ZNF267: variants seen among roughly 807,000 people sequenced by gnomAD.
The protein encoded by ZNF267 is zinc finger (C2H2).
Under a neutral mutation model 71.6 loss-of-function variants are expected in ZNF267, and 61 were observed. That is an observed-to-expected ratio of 0.85 (90% CI 0.69 to 1.05). ZNF267 has a LOEUF of 1.05. ZNF267 is among the 50% of genes least tolerant of loss of function. The pLI, the probability that ZNF267 is intolerant of heterozygous loss-of-function variation, is 0.00. For missense variants in ZNF267, 852 were observed against 870.0 expected (o/e 0.98, Z 0.26); for synonymous variants, 288 against 293.2 (o/e 0.98, Z 0.18).
chr16:31,898,046 T>C (rs2084012699), intron 3 of ZNF267, among the ~76,000 whole-genome samples: 1 of 152,168 alleles, frequency 6.6e-6, no homozygotes, highest in African/African-American at 2.4e-5. Flanking sequence ...TTTGTTCGTT[T>C]TTGCATTACT....
intron 1 of ZNF267, among the ~76,000 whole-genome samples, chr16:31,878,877 G>T (rs2083870990): frequency 6.6e-6 from 1 of 152,174 alleles, no homozygotes; most frequent in Non-Finnish European, 1.5e-5. Context: ...TCTGGCTGTT[G>T]TAAGAGCAAA....
At chr16:31,913,986 C>G (rs1567239300) in intron 3 of ZNF267, 1 of 153,232 alleles carries the variant, frequency 6.5e-6, no homozygotes, top group Non-Finnish European at 1.5e-5. Flanking sequence ...AGGTGTCTTT[C>G]ACTATACCCA....
At chr16:31,898,397 C>T (rs1239425589) in intron 3 of ZNF267, among the ~76,000 whole-genome samples, 1 of 151,974 alleles carries the variant, frequency 6.6e-6, no homozygotes, top group Non-Finnish European at 1.5e-5. Context: ...TATTGAATTT[C>T]AGCCAAATTT....
Position 31,916,030 on chromosome 16 carries a change from A to G in ZNF267, c.1781A>G (p.His594Arg). 6.2e-7 allele frequency: 1 copy of G among 1,613,984 alleles called. No homozygotes were observed. Among genetic ancestry groups the G allele is most frequent in the South Asian group, 1.1e-5 (1 of 91,086 alleles). ...AGTGACTCCTCAGGTCTTACTGTGC[A>G]TCGGCGAACTCATACTGGAGAGAAA... is the stretch of plus-strand genomic sequence containing the variant. ...SFSDSSGLTVHRRTHTGEKPY... is the reference protein window; with the variant it reads ...SFSDSSGLTVRRRTHTGEKPY... Residue 594 changes from histidine to arginine, a missense_variant, in exon 4 of 4, where the codon CAT (histidine) becomes CGT (arginine). Physicochemically the swap from His to Arg is conservative, Grantham distance 29 (BLOSUM62 0). Transcript: ENST00000300870.
intron 3 of ZNF267, among the ~76,000 whole-genome samples, chr16:31,910,925 C>T (rs1294141508): frequency 2.6e-5 from 4 of 151,388 alleles, no homozygotes; most frequent in East Asian, 1.9e-4. Flanking sequence ...TTTTCAATTT[C>T]GTTCTTAATT....
chr16:31,891,139 G>T (rs1455182290), intron 3 of ZNF267, among the ~76,000 whole-genome samples: 1 of 151,924 alleles, frequency 6.6e-6, no homozygotes, highest in Non-Finnish European at 1.5e-5. Context: ...AGGAGACTTA[G>T]ATAAAATATC....
chr16:31,900,742 C>A (rs971422792), intron 3 of ZNF267, among the ~76,000 whole-genome samples: 2 of 148,630 alleles, frequency 1.3e-5, no homozygotes, highest in African/African-American at 4.9e-5. Flanking sequence ...CTGTGCCCGG[C>A]CCCAAGAATT....
At chr16:31,890,449 C>A (rs1333062218) in intron 3 of ZNF267, among the ~76,000 whole-genome samples, 1 of 152,144 alleles carries the variant, frequency 6.6e-6, no homozygotes, top group Non-Finnish European at 1.5e-5. Context: ...TTGTTGTTTG[C>A]ATGCACTGTG....
intron 3 of ZNF267, among the ~76,000 whole-genome samples, chr16:31,904,544 C>T (rs1292166741): frequency 6.6e-6 from 1 of 151,272 alleles, no homozygotes; most frequent in East Asian, 1.9e-4. Flanking sequence ...TATGTAATGG[C>T]CTTCTTTCTC....
intron 3 of ZNF267, among the ~76,000 whole-genome samples, chr16:31,903,405 A>G (rs1424550139): frequency 1.3e-5 from 2 of 152,254 alleles, no homozygotes; most frequent in African/African-American, 4.8e-5. Flanking sequence ...TCAGCTGTGA[A>G]TCCATCTGGT....
chr16:31,893,703 C>A (rs959855173), intron 3 of ZNF267, among the ~76,000 whole-genome samples: 1 of 152,226 alleles, frequency 6.6e-6, no homozygotes, highest in Non-Finnish European at 1.5e-5. Context: ...TGCTCCTGAA[C>A]TGTGGCTGCA....
chr16:31,881,670 C>CTTTTTT (rs747627467), intron 1 of ZNF267, among the ~76,000 whole-genome samples: 27 of 125,496 alleles, frequency 2.2e-4, no homozygotes, highest in East Asian at 4.5e-4. Context: ...TTTTCTTCTT[C>CTTTTTT]TTTTTTTTTT....
chr16:31,914,940 C>T lies in ZNF267; in HGVS notation c.691C>T (p.Pro231Ser). Reference sequence around the variant, plus strand: ...AAAAACCTTGAACCAAAGCTCAAGCCCTAAAAATCATCAGGAAAATTATTT... The same window carrying T: ...AAAAACCTTGAACCAAAGCTCAAGCTCTAAAAATCATCAGGAAAATTATTT... ...SEKTLNQSSS[P>S]KNHQENYFLE... Residue 231 changes from proline to serine, a missense_variant, in exon 4 of 4, where the codon CCT (proline) becomes TCT (serine). Pro to Ser is a moderately conservative substitution (Grantham distance 74, BLOSUM62 -1). Coordinates refer to ENST00000300870, the MANE Select transcript of ZNF267 (RefSeq NM_003414.6). 1 of 1,608,864 alleles carries T rather than the reference C, an allele frequency of 6.2e-7. No homozygotes were observed. The highest frequency in any genetic ancestry group is 8.5e-7 in the Non-Finnish European group (1 of 1,178,604).
chr16:31,878,919 T>C lies in ZNF267; in HGVS notation c.3+4950T>C, dbSNP rs183236744. 6.6e-5 allele frequency among the ~76,000 whole-genome samples: 10 copies of C among 152,328 alleles called. No individual in the cohort carries two copies. The East Asian group carries it at 1.9e-3, about 29-fold the overall frequency. ...TTAGAAATACAAGACTTAATCCTTC[T>C]TGAAAATAAGGAAAGAAATTTTTCT... On this transcript the variant is annotated intron_variant, in intron 1 of 3. Coordinates refer to ENST00000300870, the MANE Select transcript of ZNF267 (RefSeq NM_003414.6).
intron 3 of ZNF267, among the ~76,000 whole-genome samples, chr16:31,900,784 CTT>C (rs1350833829): frequency 1.5e-5 from 2 of 137,390 alleles, no homozygotes; most frequent in Non-Finnish European, 3.2e-5. Flanking sequence ...TAATTTTTAA[CTT>C]ATTTTTATTT....
At chr16:31,875,169 C>T (rs1176143620) in intron 1 of ZNF267, 3 of 1,289,074 alleles carry the variant, frequency 2.3e-6, no homozygotes, top group Non-Finnish European at 3.0e-6. Context: ...TATAGCCACC[C>T]TCTATCCAGT....
chr16:31,903,105 T>C (rs1438350494), intron 3 of ZNF267, among the ~76,000 whole-genome samples: 1 of 152,210 alleles, frequency 6.6e-6, no homozygotes, highest in Non-Finnish European at 1.5e-5. Flanking sequence ...AATTTCGTAT[T>C]TTGAACCAGC....
Position 31,915,217 on chromosome 16 carries a change from A to G in ZNF267, c.968A>G (p.Lys323Arg), listed in dbSNP as rs774425625. Residue 323 changes from lysine to arginine, a missense_variant, in exon 4 of 4, where the codon AAA becomes AGA. Coordinates refer to ENST00000300870, the MANE Select transcript of ZNF267 (RefSeq NM_003414.6). ...QIIHNEEKPY[K>R]CEKCGDSLNH... ...ATCCATAATGAAGAGAAACCATACAAATGTGAAAAATGTGGGGATAGCTTA... is the reference window on the plus strand; with the variant it reads ...ATCCATAATGAAGAGAAACCATACAGATGTGAAAAATGTGGGGATAGCTTA... 1 of 1,613,854 alleles carries G rather than the reference A, an allele frequency of 6.2e-7. No individual in the cohort carries two copies.
chr16:31,900,610 A>AT (rs974038684), intron 3 of ZNF267, among the ~76,000 whole-genome samples: 47 of 151,662 alleles, frequency 3.1e-4, no homozygotes, highest in Admixed American at 2.8e-3. Context: ...ACGCCCAGCT[A>AT]TTTTTTTGTA....
Sources: allele counts gnomAD v4.1 joint callset (sites outside exome capture counted in the v4.1 genomes callset), GRCh38; gene constraint gnomAD v4.1.1; transcripts MANE v1.5; gene names NCBI Gene and HGNC (gene_info 2026-07-23, HGNC 2026-07-21).